Variants in NDC1 observed in about 807,000 individuals in gnomAD.
The protein encoded by NDC1 is NDC1 transmembrane nucleoporin.
Under a neutral mutation model 89.8 loss-of-function variants are expected in NDC1, and 24 were observed. The ratio of observed to expected loss-of-function variants is 0.27; its 90% CI spans 0.19 to 0.38. The LOEUF (loss-of-function observed/expected upper bound fraction) is 0.38. Among genes scored for constraint, NDC1 ranks in the 10% least tolerant of loss-of-function variants. NDC1 has a pLI of 1.00. For synonymous variants in NDC1, 296 were observed against 284.8 expected (o/e 1.04, Z -0.39); for missense variants, 728 against 797.6 (o/e 0.91, Z 1.05).
rs759180095 is a variant in NDC1 at position 53,809,713 on chromosome 1, A to G, written c.737T>C (p.Met246Thr). 3 of 1,611,992 alleles carry G rather than the reference A, an allele frequency of 1.9e-6. No homozygotes were observed. Among genetic ancestry groups the G allele is most frequent in the Non-Finnish European group, 2.5e-6 (3 of 1,178,168 alleles). The change falls in exon 7 of 18, where the codon ATG becomes ACG. Residue 246 changes from methionine (M) to threonine (T), a missense_variant. By Grantham distance (81) the Met-to-Thr change is moderately conservative. Coordinates refer to ENST00000371429, the MANE Select transcript of NDC1 (RefSeq NM_018087.5). Reference sequence around the variant, plus strand: ...CACTTACTCATCTATGTGAAGGTTCATAGCAGTGCTAATCCAAGCTTTGGG... The same window carrying G: ...CACTTACTCATCTATGTGAAGGTTCGTAGCAGTGCTAATCCAAGCTTTGGG... ...YIPKAWISTA[M>T]NLHIDEQVHR...
At chr1:53,832,389 A>T in intron 3 of NDC1, 101 bp downstream of exon 3, 1 of 641,138 alleles carries the variant, frequency 1.6e-6, no homozygotes, top group Non-Finnish European at 2.7e-6. Context: ...TACGTTTTTA[A>T]ATTTTTGACA....
intron 14 of NDC1, among the ~76,000 whole-genome samples, chr1:53,790,988 T>C (rs1647478106): frequency 6.6e-6 from 1 of 152,176 alleles, no homozygotes; most frequent in Non-Finnish European, 1.5e-5. Context: ...GATTTATTCC[T>C]TCTAACTGTA....
chr1:53,798,861 A>G (rs1647817649), intron 11 of NDC1, among the ~76,000 whole-genome samples: 1 of 152,216 alleles, frequency 6.6e-6, no homozygotes, highest in Non-Finnish European at 1.5e-5. Flanking sequence ...GGCCCATTAT[A>G]TGACTTTTTA....
intron 15 of NDC1, among the ~76,000 whole-genome samples, chr1:53,787,650 A>AAAATAAAT (rs1189276471): frequency 6.9e-6 from 1 of 145,442 alleles, no homozygotes; most frequent in East Asian, 1.9e-4. Flanking sequence ...AATAAAAAGT[A>AAAATAAAT]AAATAAATAA....
At chr1:53,832,904 C>T (rs539241758) in intron 2 of NDC1, among the ~76,000 whole-genome samples, 18 of 151,984 alleles carry the variant, frequency 1.2e-4, no homozygotes, top group African/African-American at 3.9e-4. Flanking sequence ...TCCAGCTACT[C>T]AGGAGGCTGA....
rs372200205 is a variant in NDC1 at position 53,807,739 on chromosome 1, G to A, written c.808C>T (p.Leu270Phe). The A allele has an allele frequency of 6.8e-6, 11 of 1,613,718 alleles. No homozygotes were observed. The highest frequency in any genetic ancestry group is 6.7e-5 in the Admixed American group (4 of 59,970). The change falls in exon 8 of 18, where the codon CTC (leucine) becomes TTC (phenylalanine). Residue 270 changes from leucine to phenylalanine, a missense_variant. Transcript: ENST00000371429. Reference protein sequence around the residue: ...TVSGLLNLSLLYHVWLCGVFL... With the variant: ...TVSGLLNLSLFYHVWLCGVFL... Reference sequence around the variant, plus strand: ...ACACCACACAGCCAGACATGGTAGAGTAACGAGAGATTTAAGAGGCCACTC... The same window carrying A: ...ACACCACACAGCCAGACATGGTAGAATAACGAGAGATTTAAGAGGCCACTC...
At chr1:53,838,141 C>T (rs945027563) in intron 1 of NDC1, 64 bp downstream of exon 1, 8 of 1,469,494 alleles carry the variant, frequency 5.4e-6, no homozygotes, top group Non-Finnish European at 7.3e-6. Flanking sequence ...CGCGCACGCG[C>T]GATCAGAGCT....
intron 16 of NDC1, among the ~76,000 whole-genome samples, chr1:53,774,409 A>G (rs1359737247): frequency 2.0e-5 from 3 of 152,246 alleles, no homozygotes; most frequent in East Asian, 1.9e-4. Context: ...TTGTTCCATC[A>G]TAATGGAAAA....
chr1:53,791,105 A>C (rs1266202867), intron 14 of NDC1, among the ~76,000 whole-genome samples: 3 of 152,186 alleles, frequency 2.0e-5, no homozygotes, highest in Non-Finnish European at 2.9e-5. Flanking sequence ...CAAATGTTTT[A>C]GCTTCTATAC....
At chr1:53,784,224 T>TAC (rs66868896) in intron 16 of NDC1, among the ~76,000 whole-genome samples, 82,065 of 149,336 alleles carry the variant, frequency 0.55, 23,294 homozygotes, top group South Asian at 0.7. Flanking sequence ...TTCTGTTATC[T>TAC]ACACACACAC....
intron 5 of NDC1, among the ~76,000 whole-genome samples, chr1:53,819,572 A>G (rs1322019603): frequency 9.9e-5 from 15 of 152,240 alleles, no homozygotes; most frequent in Non-Finnish European, 1.6e-4. Flanking sequence ...CAAAAGGAAA[A>G]TCTGAGCTAT....
chr1:53,783,531 T>C (rs1056285783), intron 16 of NDC1, among the ~76,000 whole-genome samples: 12 of 152,140 alleles, frequency 7.9e-5, no homozygotes, highest in African/African-American at 2.9e-4. Flanking sequence ...TATTCTCCAA[T>C]CCAACTCCCC....
intron 11 of NDC1, among the ~76,000 whole-genome samples, chr1:53,798,140 TA>T (rs1332224095): frequency 1.8e-3 from 184 of 103,206 alleles, no homozygotes; most frequent in Non-Finnish European, 2.7e-3. Context: ...ATCTTCTTTT[TA>T]TTATTATTAT....
intron 5 of NDC1, among the ~76,000 whole-genome samples, chr1:53,820,704 T>C (rs1020176569): frequency 6.7e-5 from 9 of 133,492 alleles, no homozygotes; most frequent in Non-Finnish European, 1.1e-4. Flanking sequence ...TCTCTCTCTT[T>C]TTTTTTTTTT....
chr1:53,806,399 G>C (rs774171747), intron 9 of NDC1, 26 bp downstream of exon 9: 2 of 1,401,276 alleles, frequency 1.4e-6, no homozygotes, highest in East Asian at 5.2e-5. Context: ...AAAACTGTGT[G>C]AAGATATGCA....
Position 53,799,828 on chromosome 1 carries a change from A to G in NDC1, c.1222+865T>C, listed in dbSNP as rs201348565. Among the ~76,000 whole-genome samples the G allele has an allele frequency of 3.9e-5, 6 of 152,316 alleles. No individual in the cohort carries two copies. In the East Asian group the frequency reaches 1.2e-3, roughly 29 times the overall value. Reference sequence around the variant, plus strand: ...AAGTCCTTTTATCAGTCTTACATTCATAGGTGTCTTCTACCTAAGGGATTT... The same window carrying G: ...AAGTCCTTTTATCAGTCTTACATTCGTAGGTGTCTTCTACCTAAGGGATTT... On this transcript the variant is annotated intron_variant, in intron 11 of 17. Coordinates refer to ENST00000371429, the MANE Select transcript of NDC1 (RefSeq NM_018087.5).
intron 6 of NDC1, among the ~76,000 whole-genome samples, chr1:53,818,348 G>A (rs1046994997): frequency 6.6e-6 from 1 of 151,888 alleles, no homozygotes; most frequent in African/African-American, 2.4e-5. Context: ...AGCTGAGGCA[G>A]GAGAATCACT....
chr1:53,835,640 C>T lies in NDC1; in HGVS notation c.58-20G>A. On this transcript the variant is annotated intron_variant, in intron 1 of 17. Coordinates refer to ENST00000371429, the MANE Select transcript of NDC1 (RefSeq NM_018087.5). Reference sequence around the variant, plus strand: ...CAAAACCTATAAACAAAAAGAAAAACCCTCACTCATGAAGTCAGTTAAATT... The same window carrying T: ...CAAAACCTATAAACAAAAAGAAAAATCCTCACTCATGAAGTCAGTTAAATT... 6.3e-7 allele frequency: 1 copy of T among 1,594,832 alleles called. No individual in the cohort carries two copies. Among genetic ancestry groups the T allele is most frequent in the Non-Finnish European group, 8.5e-7 (1 of 1,174,162 alleles).
At position 53,838,217 on chromosome 1, in the gene NDC1, G is replaced by A. The variant is rs767468558; in HGVS notation, c.45C>T (p.Asp15=). The change falls in exon 1 of 18, where the codon GAC becomes GAT. Residue 15 remains aspartate (D), a synonymous_variant. Transcript: ENST00000371429. ...ACGCCGCACTCACGCGCCACAGTAT[G>A]TCCCGCGACCTGCCGGCGCAGGGCC... ...VSRPCAGRSR[D]ILWRVLGWRI... 7 of 1,535,724 alleles carry A rather than the reference G, an allele frequency of 4.6e-6. No individual in the cohort carries two copies. The Admixed American group carries it at 7.9e-5, about 17-fold the overall frequency.
Sources: gnomAD v4.1 joint callset for allele counts (sites outside exome capture counted in the v4.1 genomes callset) on GRCh38, gnomAD v4.1.1 for gene constraint, MANE v1.5 for transcripts, NCBI Gene and HGNC (gene_info 2026-07-23, HGNC 2026-07-21) for gene names.